The following DYRK4 variants were observed in gnomAD, a reference collection of about 807,000 sequenced individuals.
DYRK4 encodes dual specificity tyrosine phosphorylation regulated kinase 4, also known as dual specificity tyrosine-phosphorylation-regulated kinase 4.
Under a neutral mutation model 68.3 loss-of-function variants are expected in DYRK4, and 64 were observed. The ratio of observed to expected loss-of-function variants is 0.94; its 90% CI spans 0.77 to 1.15. The LOEUF (loss-of-function observed/expected upper bound fraction) is 1.15. Ranked by LOEUF, DYRK4 falls within the 50% of genes most tolerant of loss-of-function variation. The probability of loss-of-function intolerance (pLI) is 0.00; values close to 1 mark genes in which losing one functional copy is unlikely to be tolerated. For synonymous variants in DYRK4, 274 were observed against 289.9 expected, an observed-to-expected ratio of 0.95 and a Z score of 0.56; for missense variants, 740 against 764.7, an observed-to-expected ratio of 0.97 and a Z score of 0.38.
chr12:4,583,685 G>T (rs1944866387), intron 2 of DYRK4, among the ~76,000 whole-genome samples: 1 of 152,144 alleles, frequency 6.6e-6, no homozygotes, highest in Non-Finnish European at 1.5e-5. Context: ...GTCAGCCACT[G>T]CGCCCAGCCT....
At chr12:4,568,335 A>C (rs1294208705) in intron 2 of DYRK4, among the ~76,000 whole-genome samples, 1 of 152,032 alleles carries the variant, frequency 6.6e-6, no homozygotes, top group Non-Finnish European at 1.5e-5. Flanking sequence ...ATCCTACTGG[A>C]AGTTACCTGG....
At chr12:4,579,428 G>A (rs1302852279) in intron 2 of DYRK4, among the ~76,000 whole-genome samples, 1 of 152,138 alleles carries the variant, frequency 6.6e-6, no homozygotes, top group African/African-American at 2.4e-5. Context: ...TAAGCCATTG[G>A]CTAATGCCCA....
Position 4,593,069 on chromosome 12 carries a change from G to A in DYRK4, c.531G>A (p.Glu177=), listed in dbSNP as rs771620956. The A allele has an allele frequency of 2.1e-5, 34 of 1,614,084 alleles. No individual in the cohort carries two copies. Among genetic ancestry groups the A allele is most frequent in the South Asian group, 2.2e-5 (2 of 91,088 alleles). Residue 177 remains glutamate (E), a synonymous_variant, in exon 6 of 15, where the codon GAG becomes GAA. Coordinates refer to ENST00000543431, the MANE Select transcript of DYRK4 (RefSeq NM_001394779.1). ...YEQSEILGYA[E]LWFLGLEAKK... is the part of the protein sequence containing the mutation. ...AAAGTGAAATCCTGGGCTACGCGGA[G>A]CTGTGGTTCCTGGGTCTTGAAGCCA...
intron 2 of DYRK4, among the ~76,000 whole-genome samples, chr12:4,585,216 A>G (rs1004027369): frequency 1.3e-5 from 2 of 152,162 alleles, no homozygotes; most frequent in African/African-American, 4.8e-5. Flanking sequence ...TGAGCCCAGC[A>G]TCTCCTGTCC....
At chr12:4,581,252 A>T (rs1944838996) in intron 2 of DYRK4, among the ~76,000 whole-genome samples, 1 of 152,172 alleles carries the variant, frequency 6.6e-6, no homozygotes, top group Non-Finnish European at 1.5e-5. Context: ...GAAGTGGGAC[A>T]TGGGACTGGG....
In DYRK4 at chr12:4,591,335, T is replaced by C. The variant is rs768945956; in HGVS notation, c.463+37T>C. The C allele has an allele frequency of 6.2e-7, 1 of 1,607,982 alleles. No homozygotes were observed. Among genetic ancestry groups the C allele is most frequent in the Admixed American group, 1.7e-5 (1 of 59,252 alleles). On this transcript the variant is annotated intron_variant, in intron 5 of 14. Coordinates refer to ENST00000543431, the MANE Select transcript of DYRK4 (RefSeq NM_001394779.1). The surrounding 1 kb of genome is among the most constrained non-coding windows in gnomAD (Gnocchi z 4.1). The stretch of plus-strand genomic sequence containing the variant: ...GGGCAGTAGCAGGGTGGGGAGGTGC[T>C]TATGGAAGGTCGGGGTGTTAAGAGC...
At chr12:4,594,143 G>C (rs1944989880) in intron 6 of DYRK4, among the ~76,000 whole-genome samples, 2 of 152,192 alleles carry the variant, frequency 1.3e-5, no homozygotes, top group Admixed American at 6.5e-5. Context: ...CCTGATAAAA[G>C]CTATAGGTCC....
At chr12:4,567,634 T>C (rs190861020) in intron 1 of DYRK4, among the ~76,000 whole-genome samples, 36 of 152,236 alleles carry the variant, frequency 2.4e-4, no homozygotes, top group Non-Finnish European at 4.7e-4. Context: ...ACGCCCATCC[T>C]GTAAGGGGAT....
At chr12:4,595,875 T>C (rs1474558991) in intron 6 of DYRK4, among the ~76,000 whole-genome samples, 1 of 152,192 alleles carries the variant, frequency 6.6e-6, no homozygotes, top group African/African-American at 2.4e-5. Context: ...AGATCCCAAG[T>C]TTCCTAAAAC....
At position 4,605,729 on chromosome 12, in the gene DYRK4, GTTT is replaced by G. The variant is rs58963826; in HGVS notation, c.1299+667_1299+669del. On this transcript the variant is annotated intron_variant, in intron 11 of 14. Coordinates refer to ENST00000543431, the MANE Select transcript of DYRK4 (RefSeq NM_001394779.1). ...CTCTTAGAAAAATGAATAGAGCTGGGTTTTTTTTTTTTTTTTTTTTTTTTTTCC... is the reference window on the plus strand; with the variant it reads ...CTCTTAGAAAAATGAATAGAGCTGGGTTTTTTTTTTTTTTTTTTTTTTTCC... 7.4e-3 allele frequency among the ~76,000 whole-genome samples: 753 copies of G among 101,966 alleles called. 10 individuals are homozygous for G. The highest frequency in any genetic ancestry group is 0.016 in the Middle Eastern group (2 of 128). 66.9% of individuals were successfully genotyped at this position (101,966 alleles called of 152,430 possible). A position where few individuals can be genotyped will look rare whatever the true frequency, so the allele number is the denominator to read the frequency against.
rs563226547 is a variant in DYRK4 at position 4,599,725 on chromosome 12, C to A, written c.1063C>A (p.Gln355Lys). ...DLKPENIVLY[Q>K]KGQASVKVID... ...TCTCTAGGAAAATATAGTGCTATAC[C>A]AAAAGGGCCAAGCCTCTGTTAAAGT... Residue 355 changes from glutamine (Q) to lysine (K), a missense_variant, in exon 10 of 15, where the codon CAA becomes AAA. Transcript: ENST00000543431. 41 of 1,613,870 alleles carry A rather than the reference C, an allele frequency of 2.5e-5. No homozygotes were observed. The Admixed American group carries it at 3.8e-4, about 15-fold the overall frequency.
In DYRK4 at chr12:4,593,228, G is replaced by A; in HGVS notation, c.627+63G>A. ...CAGGGACAAGAGGTAGTCTAGAAAG[G>A]AAAAAAGCAACGGTATTTTGTAGTA... On this transcript the variant is annotated intron_variant, in intron 6 of 14. Coordinates refer to ENST00000543431, the MANE Select transcript of DYRK4 (RefSeq NM_001394779.1). 9 of 1,560,844 alleles carry A rather than the reference G, an allele frequency of 5.8e-6. No individual in the cohort carries two copies. In the Admixed American group the frequency reaches 1.2e-4, roughly 21 times the overall value.
rs183286850 is a variant in DYRK4 at position 4,582,987 on chromosome 12, C to A, written c.133-5950C>A. Among the ~76,000 whole-genome samples, 58 of 152,206 alleles carry A rather than the reference C, an allele frequency of 3.8e-4. No individual in the cohort carries two copies. The Middle Eastern group carries it at 0.024, about 62-fold the overall frequency. ...GAAGGGTAGAGGATGGGATGGAATG[C>A]GGAGAGGCAGGAAAACTGCTTAGGA... On this transcript the variant is annotated intron_variant, in intron 2 of 14. Transcript: ENST00000543431.
chr12:4,601,139 T>A (rs756706316), intron 10 of DYRK4, among the ~76,000 whole-genome samples: 1 of 152,222 alleles, frequency 6.6e-6, no homozygotes, highest in Non-Finnish European at 1.5e-5. Flanking sequence ...TAAAGTCCTA[T>A]ATCTATTTCT....
chr12:4,593,662 C>G (rs1209089318), intron 6 of DYRK4, among the ~76,000 whole-genome samples: 1 of 152,174 alleles, frequency 6.6e-6, no homozygotes, highest in Non-Finnish European at 1.5e-5. Context: ...CCCAGCAGCT[C>G]CTCTTCCTCC....
rs368112948 is a variant in DYRK4 at position 4,605,115 on chromosome 12, A to G, written c.1299+29A>G. The G allele has an allele frequency of 1.0e-5, 16 of 1,599,676 alleles. No individual in the cohort carries two copies. The African/African-American group carries it at 1.5e-4, about 15-fold the overall frequency. On this transcript the variant is annotated intron_variant, in intron 11 of 14. Coordinates refer to ENST00000543431, the MANE Select transcript of DYRK4 (RefSeq NM_001394779.1). ...CGCGGAGGGCTGGCGGTCGGCTCCCACGGAGACCGTGGGCTTGGCCCTCAG... is the reference window on the plus strand; with the variant it reads ...CGCGGAGGGCTGGCGGTCGGCTCCCGCGGAGACCGTGGGCTTGGCCCTCAG...
intron 2 of DYRK4, among the ~76,000 whole-genome samples, chr12:4,568,705 A>G (rs577594574): frequency 1.2e-4 from 18 of 152,268 alleles, no homozygotes; most frequent in South Asian, 8.3e-4. Flanking sequence ...TTTTTTTCTA[A>G]TACAGACATG....
chr12:4,605,729 G>GTTT (rs58963826), intron 11 of DYRK4, among the ~76,000 whole-genome samples: 3,041 of 101,898 alleles, frequency 0.03, 419 homozygotes, highest in East Asian at 0.054. Context: ...ATAGAGCTGG[G>GTTT]TTTTTTTTTT....
chr12:4,597,926 C>T (rs150059659), intron 8 of DYRK4, among the ~76,000 whole-genome samples: 192 of 152,124 alleles, frequency 1.3e-3, no homozygotes, highest in African/African-American at 4.0e-3. Flanking sequence ...AATAGCCGGG[C>T]GTGGTGGTGC....
Sources: allele counts gnomAD v4.1 joint callset (sites outside exome capture counted in the v4.1 genomes callset), GRCh38; gene constraint gnomAD v4.1.1; non-coding constraint Gnocchi (gnomAD v3.1); transcripts MANE v1.5; gene names NCBI Gene and HGNC (gene_info 2026-07-23, HGNC 2026-07-21).